Variants in MCF2L2 observed in about 807,000 individuals in gnomAD.
MCF2L2 encodes probable guanine nucleotide exchange factor MCF2L2.
MCF2L2 carries 102 observed loss-of-function variants against 150.2 expected under a neutral mutation model. The ratio of observed to expected loss-of-function variants is 0.68; its 90% CI spans 0.58 to 0.80. The LOEUF (loss-of-function observed/expected upper bound fraction) is 0.80. Among genes scored for constraint, MCF2L2 ranks in the 30% least tolerant of loss-of-function variants. The pLI, the probability that MCF2L2 is intolerant of heterozygous loss-of-function variation, is 0.00. For synonymous variants in MCF2L2, 465 were observed against 491.3 expected (o/e 0.95, Z 0.71); for missense variants, 1,256 against 1,372.8 (o/e 0.91, Z 1.34).
At chr3:183,184,320 T>C (rs1016396956) in intron 27 of MCF2L2, among the ~76,000 whole-genome samples, 2 of 152,328 alleles carry the variant, frequency 1.3e-5, no homozygotes, top group South Asian at 4.1e-4. Context: ...CCCAGCTGAT[T>C]ATAGCAAAAT....
intron 1 of MCF2L2, among the ~76,000 whole-genome samples, chr3:183,391,215 C>A (rs9290756): frequency 0.69 from 105,051 of 151,664 alleles, 36,715 homozygotes; most frequent in African/African-American, 0.78. Context: ...AGTTATATCC[C>A]TTGTTCTGAA....
At chr3:183,363,680 G>C (rs901142559) in intron 3 of MCF2L2, among the ~76,000 whole-genome samples, 5 of 152,122 alleles carry the variant, frequency 3.3e-5, no homozygotes, top group Non-Finnish European at 5.9e-5. Flanking sequence ...GGTCGAGGCT[G>C]TAGTGAGCCA....
chr3:183,323,563 G>A (rs1729901476), intron 5 of MCF2L2, among the ~76,000 whole-genome samples: 1 of 151,866 alleles, frequency 6.6e-6, no homozygotes, highest in African/African-American at 2.4e-5. Flanking sequence ...AGGCTGAGGT[G>A]GGAGAATCAT....
intron 16 of MCF2L2, among the ~76,000 whole-genome samples, chr3:183,230,646 A>G (rs1723516489): frequency 6.6e-6 from 1 of 152,210 alleles, no homozygotes; most frequent in African/African-American, 2.4e-5. Flanking sequence ...ACAAGAAATA[A>G]TCTTCCCTTA....
At chr3:183,412,668 A>T (rs1715375556) in intron 1 of MCF2L2, among the ~76,000 whole-genome samples, 1 of 152,190 alleles carries the variant, frequency 6.6e-6, no homozygotes, top group Admixed American at 6.5e-5. Flanking sequence ...CTGCAAATAC[A>T]GATAGTTTTA....
chr3:183,204,270 ATAAC>A (rs1328477069), intron 25 of MCF2L2, among the ~76,000 whole-genome samples: 8 of 152,212 alleles, frequency 5.3e-5, no homozygotes, highest in African/African-American at 1.9e-4. Context: ...GAATATATAA[ATAAC>A]TCTTACAATT....
rs1729050333 is a variant in MCF2L2 at position 183,305,453 on chromosome 3, C to A, written c.1113+4263G>T. On this transcript the variant is annotated intron_variant, in intron 10 of 29. Coordinates refer to ENST00000328913, the MANE Select transcript of MCF2L2 (RefSeq NM_015078.4). The surrounding 1 kb of genome is among the most constrained non-coding windows in gnomAD (Gnocchi z 4.1). Reference sequence around the variant, plus strand: ...TGATCAGAGCCTGCCCTTCCCTCAGCATACAGTATTTCACCCTTCAGAATT... The same window carrying A: ...TGATCAGAGCCTGCCCTTCCCTCAGAATACAGTATTTCACCCTTCAGAATT... Among the ~76,000 whole-genome samples, 1 of 152,124 alleles carries A rather than the reference C, an allele frequency of 6.6e-6. No homozygotes were observed. The highest frequency in any genetic ancestry group is 2.1e-4 in the South Asian group (1 of 4,830).
intron 27 of MCF2L2, among the ~76,000 whole-genome samples, chr3:183,187,474 TA>T (rs1224262243): frequency 6.6e-6 from 1 of 152,166 alleles, no homozygotes; most frequent in Non-Finnish European, 1.5e-5. Flanking sequence ...ATTATTTTAT[TA>T]TTTTTTTATT....
At chr3:183,372,494 C>T (rs1482820273) in intron 3 of MCF2L2, 1 of 152,056 alleles carries the variant, frequency 6.6e-6, no homozygotes, top group East Asian at 1.9e-4. Context: ...AGAAACAATC[C>T]CAGCCTGGCC....
chr3:183,247,873 G>C (rs1444672462), intron 15 of MCF2L2, among the ~76,000 whole-genome samples: 1 of 152,084 alleles, frequency 6.6e-6, no homozygotes, highest in African/African-American at 2.4e-5. Flanking sequence ...TTATCTGCAA[G>C]GGTCCTGGAA....
intron 6 of MCF2L2, among the ~76,000 whole-genome samples, chr3:183,319,330 T>A (rs1022349423): frequency 8.5e-5 from 13 of 152,246 alleles, no homozygotes; most frequent in African/African-American, 3.1e-4. Flanking sequence ...CTCTTGCTAT[T>A]TCCACCACAC....
intron 15 of MCF2L2, among the ~76,000 whole-genome samples, chr3:183,231,625 CT>C (rs753464554): frequency 3.5e-3 from 506 of 142,984 alleles, no homozygotes; most frequent in Non-Finnish European, 3.9e-3. Flanking sequence ...CAGCTAACGC[CT>C]TTTTTTTTTT....
intron 14 of MCF2L2, among the ~76,000 whole-genome samples, chr3:183,286,629 C>T (rs934148523): frequency 6.6e-6 from 1 of 152,184 alleles, no homozygotes; most frequent in African/African-American, 2.4e-5. Context: ...ATGTGTGAAA[C>T]ACTAATTGCA....
intron 25 of MCF2L2, among the ~76,000 whole-genome samples, chr3:183,204,164 T>C (rs1722392814): frequency 6.6e-6 from 1 of 151,998 alleles, no homozygotes; most frequent in East Asian, 1.9e-4. Context: ...AACTATAAAC[T>C]CTTTGCAAAG....
chr3:183,229,805 G>T, intron 16 of MCF2L2, 24 bp from the exon 17 acceptor site: 1 of 1,087,284 alleles, frequency 9.2e-7, no homozygotes, highest in African/African-American at 1.6e-5. Context: ...AACAAGGTAG[G>T]TGTTACAAAC....
intron 3 of MCF2L2, among the ~76,000 whole-genome samples, chr3:183,350,631 G>A (rs1038793317): frequency 6.6e-6 from 1 of 152,174 alleles, no homozygotes; most frequent in Non-Finnish European, 1.5e-5. Flanking sequence ...GAGGCCGGGC[G>A]CGGGGGCTCA....
chr3:183,397,204 G>T (rs1379509214), intron 1 of MCF2L2, among the ~76,000 whole-genome samples: 1 of 152,190 alleles, frequency 6.6e-6, no homozygotes, highest in Non-Finnish European at 1.5e-5. Flanking sequence ...ACCTTCGACT[G>T]GGTAATTTAC....
intron 25 of MCF2L2, among the ~76,000 whole-genome samples, chr3:183,203,105 CG>C (rs2108643959): frequency 6.6e-6 from 1 of 152,018 alleles, no homozygotes; most frequent in South Asian, 2.1e-4. Context: ...CCCAGCTACT[CG>C]GGAGGCTGAG....
intron 25 of MCF2L2, among the ~76,000 whole-genome samples, chr3:183,201,585 C>T (rs1722284801): frequency 6.6e-6 from 1 of 152,196 alleles, no homozygotes; most frequent in Admixed American, 6.5e-5. Context: ...GACAATTTGA[C>T]TTTCTCTTTT....
Sources: allele counts gnomAD v4.1 joint callset (sites outside exome capture counted in the v4.1 genomes callset), GRCh38; gene constraint gnomAD v4.1.1; non-coding constraint Gnocchi (gnomAD v3.1); transcripts MANE v1.5; gene names NCBI Gene and HGNC (gene_info 2026-07-23, HGNC 2026-07-21).